Variants in RPA3 observed in about 807,000 individuals in gnomAD.
The protein encoded by RPA3 is replication protein A3, also known as replication protein A 14 kDa subunit.
In RPA3, 24 loss-of-function variants were observed where a neutral mutation model predicts 13.7. That is an observed-to-expected ratio of 1.75 (90% confidence interval 1.27 to 2.46). The LOEUF is 2.46. RPA3 is among the 30% of genes most tolerant of loss of function. RPA3 has a pLI of 0.00. For missense variants in RPA3, 183 were observed against 151.0 expected, an observed-to-expected ratio of 1.21 and a Z score of -1.11; for synonymous variants, 59 against 51.2, an observed-to-expected ratio of 1.15 and a Z score of -0.65.
chr7:7,700,326 G>T (rs1297802084), intron 2 of RPA3, among the ~76,000 whole-genome samples: 1 of 152,086 alleles, frequency 6.6e-6, no homozygotes, highest in Non-Finnish European at 1.5e-5. Context: ...CCTCCCAAAG[G>T]TCTCCTAATA....
At chr7:7,653,287 G>C (rs1246834103) in intron 4 of RPA3, among the ~76,000 whole-genome samples, 2 of 152,192 alleles carry the variant, frequency 1.3e-5, no homozygotes, top group African/African-American at 4.8e-5. Context: ...ATATAAATGT[G>C]TCACTGTATC....
intron 2 of RPA3, among the ~76,000 whole-genome samples, chr7:7,687,915 C>T (rs1583737415): frequency 6.6e-6 from 1 of 152,258 alleles, no homozygotes; most frequent in Admixed American, 6.5e-5. Flanking sequence ...CCATCATTTC[C>T]TGATGCACCA....
At chr7:7,707,213 A>C (rs750374826) in intron 2 of RPA3, among the ~76,000 whole-genome samples, 1 of 152,206 alleles carries the variant, frequency 6.6e-6, no homozygotes, top group African/African-American at 2.4e-5. Context: ...TCTGTACAGC[A>C]AAGATTATAT....
chr7:7,685,029 A>C (rs1195455954), intron 4 of RPA3, among the ~76,000 whole-genome samples: 2 of 152,226 alleles, frequency 1.3e-5, no homozygotes, highest in Non-Finnish European at 2.9e-5. Context: ...CTCAAAAATT[A>C]TGATGAGTGG....
chr7:7,683,189 G>A (rs1779954995), intron 4 of RPA3, among the ~76,000 whole-genome samples: 1 of 152,176 alleles, frequency 6.6e-6, no homozygotes, highest in South Asian at 2.1e-4. Context: ...AGTGGATTTA[G>A]TTGACTCAAA....
intron 4 of RPA3, among the ~76,000 whole-genome samples, chr7:7,672,593 C>T (rs558465853): frequency 5.7e-4 from 87 of 152,266 alleles, no homozygotes; most frequent in Non-Finnish European, 9.7e-4. Context: ...TCATGTTGTT[C>T]TCGTGATAGT....
At chr7:7,639,933 G>C (rs530761819) in intron 5 of RPA3, 49 of 242,322 alleles carry the variant, frequency 2.0e-4, no homozygotes, top group Admixed American at 1.1e-3. Flanking sequence ...AGGAAACGAG[G>C]TTTGCAAAAA....
At chr7:7,663,164 C>A (rs1178932186) in intron 4 of RPA3, among the ~76,000 whole-genome samples, 1 of 130,536 alleles carries the variant, frequency 7.7e-6, no homozygotes, top group Non-Finnish European at 1.6e-5. Context: ...CTTTTTTTTT[C>A]TTCCTATTTC....
intron 4 of RPA3, among the ~76,000 whole-genome samples, chr7:7,676,550 A>T (rs551266517): frequency 1.5e-4 from 23 of 152,270 alleles, no homozygotes; most frequent in Admixed American, 3.9e-4. Flanking sequence ...TTTGTTTTTT[A>T]AAAAAAGTTG....
intron 4 of RPA3, among the ~76,000 whole-genome samples, chr7:7,658,822 A>C (rs1048905483): frequency 1.3e-5 from 2 of 152,108 alleles, no homozygotes; most frequent in African/African-American, 4.8e-5. Context: ...GGCCTCATAA[A>C]ATGAGTTAGG....
chr7:7,687,575 C>G (rs10254022), intron 2 of RPA3, among the ~76,000 whole-genome samples: 1,607 of 152,280 alleles, frequency 0.011, 25 homozygotes, highest in African/African-American at 0.033. Flanking sequence ...ACCAGAAAGT[C>G]TATTCACACC....
At chr7:7,670,572 C>T (rs765164587) in intron 4 of RPA3, among the ~76,000 whole-genome samples, 1 of 152,198 alleles carries the variant, frequency 6.6e-6, no homozygotes, top group Non-Finnish European at 1.5e-5. Flanking sequence ...AAGTAACTCA[C>T]CCCTCCCCAA....
chr7:7,695,981 GTTTTTT>G (rs34880729), intron 2 of RPA3, among the ~76,000 whole-genome samples: 17 of 130,740 alleles, frequency 1.3e-4, no homozygotes, highest in African/African-American at 4.3e-4. Flanking sequence ...GTATATCTCC[GTTTTTT>G]TTTTTTTTTT....
At chr7:7,716,106 C>T (rs1780895415) in intron 1 of RPA3, among the ~76,000 whole-genome samples, 1 of 152,058 alleles carries the variant, frequency 6.6e-6, no homozygotes, top group South Asian at 2.1e-4. Context: ...AGCAAACAAG[C>T]TGTGGCAGAA....
intron 4 of RPA3, 129 bp downstream of exon 4, chr7:7,685,701 C>T (rs1780027832): frequency 6.6e-6 from 1 of 152,184 alleles, no homozygotes; most frequent in African/African-American, 2.4e-5. Context: ...CGAAGTTGTA[C>T]TTTTCTTCTT....
At position 7,664,414 on chromosome 7, in the gene RPA3, G is replaced by A. The variant is rs181370281; in HGVS notation, c.-758+21416C>T. On this transcript the variant is annotated intron_variant, in intron 4 of 7. Coordinates refer to ENST00000223129, the MANE Select transcript of RPA3 (RefSeq NM_002947.5). ...TTTGCTCAAGACTCCAGACTGCCCA[G>A]TAATGTCCAACAAATCCTGTTTTGC... 1.5e-3 allele frequency among the ~76,000 whole-genome samples: 230 copies of A among 152,266 alleles called. 2 individuals are homozygous for A. The highest frequency in any genetic ancestry group is 5.1e-3 in the African/African-American group (211 of 41,560).
intron 4 of RPA3, chr7:7,673,586 G>T: frequency 1.7e-6 from 1 of 605,544 alleles, no homozygotes; most frequent in Non-Finnish European, 2.9e-6. Flanking sequence ...TTTTTAAAGC[G>T]TAAAATCTGT....
At chr7:7,638,716 G>A in intron 6 of RPA3, 1 of 170,818 alleles carries the variant, frequency 5.9e-6, no homozygotes, top group Admixed American at 6.2e-5. Flanking sequence ...GTAACAGAGT[G>A]AGACCCTGTC....
chr7:7,682,330 TC>T (rs140033996), intron 4 of RPA3, among the ~76,000 whole-genome samples: 2,732 of 152,310 alleles, frequency 0.018, 83 homozygotes, highest in African/African-American at 0.063. Flanking sequence ...GTCTCAATGA[TC>T]AGTCAGATAT....
Sources: gnomAD v4.1 joint callset for allele counts (sites outside exome capture counted in the v4.1 genomes callset) on GRCh38, gnomAD v4.1.1 for gene constraint, MANE v1.5 for transcripts, NCBI Gene and HGNC (gene_info 2026-07-23, HGNC 2026-07-21) for gene names.